Variants in CDKAL1 observed in about 807,000 individuals in gnomAD.
CDKAL1 encodes CDKAL1 threonylcarbamoyladenosine tRNA methylthiotransferase.
A neutral mutation model predicts 68.2 loss-of-function variants in CDKAL1; 32 were observed. The observed-to-expected ratio is 0.47, with a 90% CI of 0.35 to 0.63. CDKAL1 has a LOEUF of 0.63. CDKAL1 is among the 30% of genes least tolerant of loss of function. The pLI is 0.00. For synonymous variants in CDKAL1, 234 were observed against 244.3 expected (o/e 0.96, Z 0.39); for missense variants, 606 against 696.7 (o/e 0.87, Z 1.47).
chr6:20,705,081 A>T (rs184786741), intron 5 of CDKAL1, among the ~76,000 whole-genome samples: 1 of 152,198 alleles, frequency 6.6e-6, no homozygotes, highest in African/African-American at 2.4e-5. Flanking sequence ...CTTTTTTGCA[A>T]GTGTTAATTT....
chr6:21,058,513 T>C (rs1770959379), intron 11 of CDKAL1, among the ~76,000 whole-genome samples: 1 of 152,230 alleles, frequency 6.6e-6, no homozygotes. Context: ...CCCATTTACA[T>C]TTAAGGCTAA....
chr6:21,221,323 G>A (rs1233252560), intron 15 of CDKAL1, among the ~76,000 whole-genome samples: 2 of 151,812 alleles, frequency 1.3e-5, no homozygotes, highest in Non-Finnish European at 2.9e-5. Context: ...CCACCTCCTG[G>A]GCTCAAGTGA....
chr6:21,071,253 G>A, intron 12 of CDKAL1, among the ~76,000 whole-genome samples: 1 of 152,020 alleles, frequency 6.6e-6, no homozygotes, highest in East Asian at 1.9e-4. Flanking sequence ...GGATCATGGG[G>A]GCAGATTCCC....
At chr6:20,685,720 A>G (rs1479418297) in intron 5 of CDKAL1, among the ~76,000 whole-genome samples, 1 of 152,096 alleles carries the variant, frequency 6.6e-6, no homozygotes, top group Non-Finnish European at 1.5e-5. Context: ...TATTTTTGCT[A>G]GAACCATAGG....
rs1163394659 is a variant in CDKAL1, at chr6:20,535,359, T to C, written c.-41T>C. On this transcript the variant is annotated 5_prime_UTR_variant, in exon 2 of 16. Transcript: ENST00000274695. The stretch of plus-strand genomic sequence containing the variant: ...CAATTTTTATTTTCCAGACTCATCT[T>C]TCAAGAGGACTTTAGACTAATTGCA... 6.6e-6 allele frequency: 1 copy of C among 152,376 alleles called. No homozygotes were observed. Among genetic ancestry groups the C allele is most frequent in the African/African-American group, 2.4e-5 (1 of 41,464 alleles). 9.4% of individuals were successfully genotyped at this position (152,376 alleles called of 1,614,324 possible).
chr6:21,159,696 G>A (rs1776817279), intron 13 of CDKAL1, among the ~76,000 whole-genome samples: 1 of 152,158 alleles, frequency 6.6e-6, no homozygotes, highest in Admixed American at 6.5e-5. Flanking sequence ...TGGTTTACAC[G>A]GTTCTCACAG....
intron 5 of CDKAL1, among the ~76,000 whole-genome samples, chr6:20,693,010 G>C (rs1770939078): frequency 2.6e-5 from 4 of 151,582 alleles, no homozygotes; most frequent in African/African-American, 9.7e-5. Context: ...GGTGCCAATA[G>C]TCCCAGCTAC....
At position 21,154,665 on chromosome 6, in the gene CDKAL1, G is replaced by A. The variant is rs947607933; in HGVS notation, c.1300-43356G>A. 2.0e-5 allele frequency among the ~76,000 whole-genome samples: 3 copies of A among 152,120 alleles called. No homozygotes were observed. In the South Asian group the frequency reaches 6.2e-4, roughly 32 times the overall value. On this transcript the variant is annotated intron_variant, in intron 13 of 15. Coordinates refer to ENST00000274695, the MANE Select transcript of CDKAL1 (RefSeq NM_017774.3). ...TAAAAGTTGTTAAGCTTCAGTGGTG[G>A]CTAAATACTCTACAATGTGTAAAAT...
chr6:21,035,305 A>G (rs1015496147), intron 11 of CDKAL1, among the ~76,000 whole-genome samples: 1 of 152,134 alleles, frequency 6.6e-6, no homozygotes, highest in African/African-American at 2.4e-5. Flanking sequence ...TTATAGGATT[A>G]TTCAGAATAA....
intron 9 of CDKAL1, among the ~76,000 whole-genome samples, chr6:20,950,387 G>A (rs932633957): frequency 6.6e-6 from 1 of 152,138 alleles, no homozygotes. Context: ...GCCTCCCAAA[G>A]TGCTGAGATT....
At chr6:20,543,540 T>G (rs1014822134) in intron 2 of CDKAL1, among the ~76,000 whole-genome samples, 5 of 152,212 alleles carry the variant, frequency 3.3e-5, no homozygotes, top group Non-Finnish European at 7.3e-5. Context: ...TTTGACTGTT[T>G]GACTTTTCAG....
rs533519258 is a variant in CDKAL1 at position 21,055,472 on chromosome 6, C to A, written c.1056-9576C>A. Among the ~76,000 whole-genome samples, 16 of 152,144 alleles carry A rather than the reference C, an allele frequency of 1.1e-4. No individual in the cohort carries two copies. The East Asian group carries it at 2.9e-3, about 28-fold the overall frequency. Reference sequence around the variant, plus strand: ...TGCTGTGGTGATTTACTGCACCTATCAACCCATCACCTAGGTATTAAGCTC... The same window carrying A: ...TGCTGTGGTGATTTACTGCACCTATAAACCCATCACCTAGGTATTAAGCTC... On this transcript the variant is annotated intron_variant, in intron 11 of 15. Transcript: ENST00000274695.
intron 5 of CDKAL1, among the ~76,000 whole-genome samples, chr6:20,696,054 A>G (rs187591393): frequency 1.3e-5 from 2 of 152,332 alleles, no homozygotes; most frequent in Non-Finnish European, 1.5e-5. Context: ...TAAAAAATAG[A>G]TTTGTAAAAG....
At chr6:20,945,022 C>T (rs1442061715) in intron 9 of CDKAL1, among the ~76,000 whole-genome samples, 1 of 151,864 alleles carries the variant, frequency 6.6e-6, no homozygotes, top group East Asian at 1.9e-4. Context: ...CCTAGAATTG[C>T]ACTTTATTCT....
chr6:20,795,531 G>A (rs1776075446), intron 8 of CDKAL1, among the ~76,000 whole-genome samples: 7 of 152,108 alleles, frequency 4.6e-5, no homozygotes, highest in Admixed American at 4.6e-4. Context: ...GAGAAAGGCT[G>A]ATTTATTCAC....
At chr6:20,596,090 T>A (rs1440743361) in intron 4 of CDKAL1, among the ~76,000 whole-genome samples, 3 of 152,156 alleles carry the variant, frequency 2.0e-5, no homozygotes, top group Non-Finnish European at 4.4e-5. Flanking sequence ...GTATGAGGTG[T>A]CTGTCAACCC....
At chr6:20,806,844 G>A (rs978022063) in intron 8 of CDKAL1, among the ~76,000 whole-genome samples, 12 of 152,142 alleles carry the variant, frequency 7.9e-5, no homozygotes, top group African/African-American at 2.9e-4. Flanking sequence ...AATTAATAAA[G>A]CATTACTTAG....
chr6:20,648,137 T>C (rs1383209649), intron 4 of CDKAL1, among the ~76,000 whole-genome samples: 1 of 151,084 alleles, frequency 6.6e-6, no homozygotes, highest in Non-Finnish European at 1.5e-5. Context: ...AATTTTTTTT[T>C]TTTTTTTAGA....
chr6:20,748,536 G>C (rs1012003107), intron 6 of CDKAL1, among the ~76,000 whole-genome samples: 5 of 112,736 alleles, frequency 4.4e-5, no homozygotes, highest in African/African-American at 1.7e-4. Flanking sequence ...TTGGGAAAGA[G>C]AGCAAGACTC....
Sources: allele counts gnomAD v4.1 joint callset (sites outside exome capture counted in the v4.1 genomes callset), GRCh38; gene constraint gnomAD v4.1.1; transcripts MANE v1.5; gene names NCBI Gene and HGNC (gene_info 2026-07-23, HGNC 2026-07-21).